Variants in ANKS1B observed in about 807,000 individuals in gnomAD.
ANKS1B encodes the protein ankyrin repeat and sterile alpha motif domain-containing protein 1B.
A neutral mutation model predicts 148.3 loss-of-function variants in ANKS1B; 36 were observed. That is an observed-to-expected ratio of 0.24 (90% CI 0.19 to 0.32). ANKS1B has a LOEUF of 0.32. ANKS1B is among the 10% of genes least tolerant of loss of function. ANKS1B has a pLI of 1.00. For missense variants in ANKS1B, 1,157 were observed against 1,542.6 expected (o/e 0.75, Z 4.19); for synonymous variants, 542 against 560.8 (o/e 0.97, Z 0.47).
chr12:99,600,073 G>T (rs2097788881), intron 9 of ANKS1B, among the ~76,000 whole-genome samples: 1 of 151,668 alleles, frequency 6.6e-6, no homozygotes, highest in African/African-American at 2.4e-5. Flanking sequence ...CACCTAGACT[G>T]TATCTAATTA....
At chr12:99,512,238 G>C (rs954464759) in intron 9 of ANKS1B, among the ~76,000 whole-genome samples, 1 of 151,796 alleles carries the variant, frequency 6.6e-6, no homozygotes, top group Admixed American at 6.6e-5. Context: ...ATTAAGAAGC[G>C]GGCAAAGGAC....
chr12:99,931,030 A>C (rs2094599745), intron 1 of ANKS1B, among the ~76,000 whole-genome samples: 1 of 152,220 alleles, frequency 6.6e-6, no homozygotes, highest in Non-Finnish European at 1.5e-5. Context: ...TGATGAGTTC[A>C]TGTCCTTTGT....
At chr12:99,301,638 T>C (rs2081626574) in intron 12 of ANKS1B, among the ~76,000 whole-genome samples, 1 of 152,152 alleles carries the variant, frequency 6.6e-6, no homozygotes, top group Non-Finnish European at 1.5e-5. Context: ...ATTCAGTATA[T>C]GCTATGAACC....
chr12:99,057,131 T>G (rs1389925842), intron 16 of ANKS1B, among the ~76,000 whole-genome samples: 5 of 152,230 alleles, frequency 3.3e-5, no homozygotes, highest in Non-Finnish European at 1.5e-5. Context: ...AAAATGGACT[T>G]TGGAATATGA....
intron 6 of ANKS1B, among the ~76,000 whole-genome samples, chr12:99,779,092 G>T (rs960295689): frequency 1.3e-5 from 2 of 152,176 alleles, no homozygotes; most frequent in Non-Finnish European, 2.9e-5. Flanking sequence ...CACCAAACAG[G>T]AAGAGAAAGC....
At chr12:99,301,288 T>C (rs2081566871) in intron 12 of ANKS1B, among the ~76,000 whole-genome samples, 1 of 152,162 alleles carries the variant, frequency 6.6e-6, no homozygotes, top group Non-Finnish European at 1.5e-5. Context: ...CACATAGACA[T>C]ACACAGAAAT....
intron 22 of ANKS1B, chr12:98,794,961 T>G: frequency 8.6e-7 from 1 of 1,166,268 alleles, no homozygotes; most frequent in Non-Finnish European, 1.3e-6. Context: ...ACATGGAAGA[T>G]GCTTCTTAAA....
At chr12:99,676,358 T>G (rs2098570532) in intron 8 of ANKS1B, among the ~76,000 whole-genome samples, 1 of 152,172 alleles carries the variant, frequency 6.6e-6, no homozygotes, top group Non-Finnish European at 1.5e-5. Context: ...GTATGACAGG[T>G]GAATTTTCAT....
chr12:98,923,389 C>T (rs1182146769), intron 17 of ANKS1B, among the ~76,000 whole-genome samples: 1 of 152,138 alleles, frequency 6.6e-6, no homozygotes, highest in Admixed American at 6.5e-5. Context: ...GTAGTCTGTT[C>T]TAGCAACATA....
intron 12 of ANKS1B, among the ~76,000 whole-genome samples, chr12:99,327,072 A>ATTGTATTAATATTATATTATATTATAT (rs1446803194): frequency 1.5e-5 from 2 of 133,332 alleles, no homozygotes; most frequent in African/African-American, 5.6e-5. Flanking sequence ...ACAATATATA[A>ATTGTATTAATATTATATTATATTATAT]TATATTAATG....
intron 2 of ANKS1B, among the ~76,000 whole-genome samples, chr12:99,819,080 T>C (rs2082205265): frequency 6.6e-6 from 1 of 151,914 alleles, no homozygotes; most frequent in East Asian, 1.9e-4. Flanking sequence ...TTCATATGGA[T>C]GCAGAATTAA....
rs577092311 is a variant in ANKS1B at position 99,841,207 on chromosome 12, A to G, written c.135-15818T>C. On this transcript the variant is annotated intron_variant, in intron 1 of 26. Transcript: ENST00000683438. ...AGTGCTAGCACAATGCCTGACACATAATAATCATCCTTTCTGTAGGAAAAG... is the reference window on the plus strand; with the variant it reads ...AGTGCTAGCACAATGCCTGACACATGATAATCATCCTTTCTGTAGGAAAAG... Among the ~76,000 whole-genome samples, 8 of 152,168 alleles carry G rather than the reference A, an allele frequency of 5.3e-5. No homozygotes were observed. In the South Asian group the frequency reaches 6.2e-4, roughly 12 times the overall value.
chr12:99,315,427 G>C (rs1020745063), intron 12 of ANKS1B, among the ~76,000 whole-genome samples: 1 of 152,078 alleles, frequency 6.6e-6, no homozygotes, highest in African/African-American at 2.4e-5. Context: ...GTGCTCAAAA[G>C]AAGACATTTA....
intron 16 of ANKS1B, among the ~76,000 whole-genome samples, chr12:99,059,117 G>A (rs373434014): frequency 2.6e-5 from 4 of 152,124 alleles, no homozygotes; most frequent in Admixed American, 6.5e-5. Flanking sequence ...TTATTCCACC[G>A]AAAAATCATA....
intron 9 of ANKS1B, among the ~76,000 whole-genome samples, chr12:99,542,730 T>C (rs1007430422): frequency 5.9e-5 from 9 of 152,052 alleles, no homozygotes; most frequent in Non-Finnish European, 8.8e-5. Context: ...TATAGATCAA[T>C]AGAAAAAATA....
intron 15 of ANKS1B, among the ~76,000 whole-genome samples, chr12:99,105,637 C>T (rs1016675831): frequency 4.6e-5 from 7 of 151,508 alleles, no homozygotes; most frequent in Non-Finnish European, 3.0e-5. Context: ...GGCGTTGTGG[C>T]GGGTGCCTGT....
At chr12:98,926,312 T>C (rs1321204638) in intron 17 of ANKS1B, among the ~76,000 whole-genome samples, 1 of 152,154 alleles carries the variant, frequency 6.6e-6, no homozygotes, top group African/African-American at 2.4e-5. Context: ...CTTCTGTGGA[T>C]GCAGTGAGAG....
At chr12:99,202,272 TA>T (rs1740379493) in intron 14 of ANKS1B, among the ~76,000 whole-genome samples, 1 of 152,186 alleles carries the variant, frequency 6.6e-6, no homozygotes, top group Non-Finnish European at 1.5e-5. Flanking sequence ...GCATAATTCT[TA>T]GAATCAGTTT....
intron 19 of ANKS1B, among the ~76,000 whole-genome samples, chr12:98,822,640 T>G (rs1196513262): frequency 1.3e-5 from 2 of 152,218 alleles, no homozygotes; most frequent in African/African-American, 4.8e-5. Context: ...ATCCATGGTC[T>G]GGTTTTAACT....
Sources: allele counts gnomAD v4.1 joint callset (sites outside exome capture counted in the v4.1 genomes callset), GRCh38; gene constraint gnomAD v4.1.1; transcripts MANE v1.5; gene names NCBI Gene and HGNC (gene_info 2026-07-23, HGNC 2026-07-21).